The following ZNF718 variants were observed in gnomAD, a reference collection of about 807,000 sequenced individuals.
ZNF718 encodes the protein zinc finger protein 718.
A neutral mutation model predicts 2.6 loss-of-function variants in ZNF718; 3 were observed. That is an observed-to-expected ratio of 1.16 (90% CI 0.53 to 3.01). The LOEUF is 3.01. ZNF718 is among the 30% of genes most tolerant of loss of function. The pLI, the probability that ZNF718 is intolerant of heterozygous loss-of-function variation, is 0.03. For missense variants in ZNF718, 468 were observed against 230.0 expected (o/e 2.03, Z -6.69); for synonymous variants, 135 against 77.9 (o/e 1.73, Z -3.86).
At chr4:144,887 G>A (rs1553810957) in intron 3 of ZNF718, among the ~76,000 whole-genome samples, 1 of 152,052 alleles carries the variant, frequency 6.6e-6, no homozygotes. Flanking sequence ...GTGTTTTAGT[G>A]AAGTAGGTTT....
At chr4:199,698 A>T (rs1288851628) in intron 3 of ZNF718, among the ~76,000 whole-genome samples, 3 of 152,242 alleles carry the variant, frequency 2.0e-5, no homozygotes, top group African/African-American at 7.2e-5. Context: ...TAAATGGCTG[A>T]TGCAGGATAA....
At chr4:157,179 C>G (rs1404777324) in intron 3 of ZNF718, among the ~76,000 whole-genome samples, 1 of 131,276 alleles carries the variant, frequency 7.6e-6, no homozygotes, top group Non-Finnish European at 1.6e-5. Flanking sequence ...ATGGTGCAAT[C>G]TCAGTTCACT....
At chr4:186,374 G>C (rs1553820485) in intron 3 of ZNF718, among the ~76,000 whole-genome samples, 1 of 152,092 alleles carries the variant, frequency 6.6e-6, no homozygotes, top group Admixed American at 6.6e-5. Flanking sequence ...ATGGGCTTCT[G>C]TTTGTAGGTG....
intron 3 of ZNF718, among the ~76,000 whole-genome samples, chr4:192,766 G>T (rs1157629514): frequency 2.0e-5 from 3 of 152,172 alleles, no homozygotes; most frequent in Admixed American, 6.5e-5. Context: ...TCCATTTGAA[G>T]AATGATTTGT....
intron 3 of ZNF718, among the ~76,000 whole-genome samples, chr4:141,711 A>G (rs1380129647): frequency 1.3e-5 from 2 of 152,208 alleles, no homozygotes; most frequent in Admixed American, 6.5e-5. Context: ...TATGCTGTCA[A>G]TTATAATTAT....
intron 3 of ZNF718, among the ~76,000 whole-genome samples, chr4:179,107 G>T (rs1222048146): frequency 3.3e-5 from 5 of 152,128 alleles, no homozygotes. Context: ...TTCTATTTAG[G>T]TGTTGAATTT....
intron 1 of ZNF718, 54 bp downstream of exon 1, chr4:124,727 C>T: frequency 6.2e-7 from 1 of 1,600,652 alleles, no homozygotes; most frequent in South Asian, 1.1e-5. Flanking sequence ...TCGGAACCGG[C>T]GGGAAATGGC....
intron 3 of ZNF718, among the ~76,000 whole-genome samples, chr4:179,603 T>C (rs1717425005): frequency 6.6e-6 from 1 of 152,328 alleles, no homozygotes; most frequent in East Asian, 1.9e-4. Context: ...ACAAAGTGTT[T>C]CTATGGCCTG....
chr4:164,145 G>A lies in ZNF718; in HGVS notation c.*2023G>A, dbSNP rs1553816301. Reference sequence around the variant, plus strand: ...ACATTTCTGTGTCCTGAATAAATATGTTTTTAAATGTTCCATATTTTTCTT... The same window carrying A: ...ACATTTCTGTGTCCTGAATAAATATATTTTTAAATGTTCCATATTTTTCTT... On this transcript the variant is annotated 3_prime_UTR_variant, in exon 4 of 4. Transcript: ENST00000510175. Among the ~76,000 whole-genome samples the A allele has an allele frequency of 2.6e-5, 4 of 151,912 alleles. No individual in the cohort carries two copies. Among genetic ancestry groups the A allele is most frequent in the African/African-American group, 9.7e-5 (4 of 41,420 alleles).
chr4:175,303 T>G (rs1581475915), intron 3 of ZNF718, among the ~76,000 whole-genome samples: 1 of 152,212 alleles, frequency 6.6e-6, no homozygotes, highest in East Asian at 1.9e-4. Context: ...CCCTTTACTG[T>G]CATACTTTCT....
chr4:137,537 G>C (rs1367646607), intron 3 of ZNF718, among the ~76,000 whole-genome samples: 4 of 151,852 alleles, frequency 2.6e-5, no homozygotes, highest in Non-Finnish European at 5.9e-5. Context: ...GCTTGATATT[G>C]GCCATTCCAA....
intron 3 of ZNF718, among the ~76,000 whole-genome samples, chr4:182,622 T>C (rs1445419773): frequency 6.6e-6 from 1 of 151,882 alleles, no homozygotes; most frequent in African/African-American, 2.4e-5. Context: ...TTAGTAGAAA[T>C]GGGGTTTCAC....
downstream of ZNF718, among the ~76,000 whole-genome samples, chr4:168,274 A>C (rs1341014412): frequency 6.6e-6 from 1 of 152,034 alleles, no homozygotes; most frequent in Non-Finnish European, 1.5e-5. Flanking sequence ...GAGGATTTTC[A>C]CATTGATGTT....
intron 3 of ZNF718, chr4:142,129 T>C (rs1197665435): frequency 9.9e-6 from 5 of 502,608 alleles, no homozygotes; most frequent in Non-Finnish European, 2.0e-5. Context: ...TTTTTGGAAC[T>C]GTGCAGCCAT....
intron 3 of ZNF718, among the ~76,000 whole-genome samples, chr4:147,266 A>G (rs782482411): frequency 1.3e-5 from 2 of 152,196 alleles, no homozygotes; most frequent in African/African-American, 4.8e-5. Context: ...TTACTGGAGC[A>G]TTTTTAGTTT....
rs1295933345 is a variant in ZNF718 at position 163,245 on chromosome 4, G to T, written c.*1123G>T. On this transcript the variant is annotated 3_prime_UTR_variant, in exon 4 of 4. Transcript: ENST00000510175. ...CTGTCGCCCAGGCTGGAGTGCAGTG[G>T]CGGGATCTCGGCTCACTGCAAGCTC... 2.6e-5 allele frequency: 4 copies of T among 151,824 alleles called. No homozygotes were observed. Among genetic ancestry groups the T allele is most frequent in the Non-Finnish European group, 5.9e-5 (4 of 67,992 alleles). The allele number at this position is 151,824 out of a possible 1,614,324, so 9.4% of individuals were successfully genotyped here. A position where few individuals can be genotyped will look rare whatever the true frequency, so the allele number is the denominator to read the frequency against.
intron 3 of ZNF718, among the ~76,000 whole-genome samples, chr4:155,933 A>G (rs1488877668): frequency 6.6e-6 from 1 of 152,174 alleles, no homozygotes; most frequent in African/African-American, 2.4e-5. Flanking sequence ...GAATCAGGGC[A>G]GTGGTTTTTC....
chr4:179,631 A>C (rs1248111149), intron 3 of ZNF718, among the ~76,000 whole-genome samples: 1 of 152,236 alleles, frequency 6.6e-6, no homozygotes, highest in African/African-American at 2.4e-5. Flanking sequence ...ACTCCTGCAC[A>C]TTCCGAACCA....
intron 3 of ZNF718, among the ~76,000 whole-genome samples, chr4:197,028 G>A (rs1027067797): frequency 7.4e-5 from 11 of 148,414 alleles, no homozygotes; most frequent in African/African-American, 2.5e-4. Flanking sequence ...CTTGGGAGTG[G>A]CCCGCCACAT....
Sources: allele counts gnomAD v4.1 joint callset (sites outside exome capture counted in the v4.1 genomes callset), GRCh38; gene constraint gnomAD v4.1.1; transcripts MANE v1.5; gene names NCBI Gene and HGNC (gene_info 2026-07-23, HGNC 2026-07-21).